The following NRXN1 variants were observed in gnomAD, a reference collection of about 807,000 sequenced individuals.
NRXN1 encodes the protein neurexin 1, also known as neurexin-1.
Under a neutral mutation model 150.9 loss-of-function variants are expected in NRXN1, and 39 were observed. That is an observed-to-expected ratio of 0.26 (90% CI 0.20 to 0.34). NRXN1 has a LOEUF of 0.34. Ranked by LOEUF, NRXN1 falls within the 10% of genes least tolerant of loss-of-function variation. The pLI is 1.00. For missense variants in NRXN1, 1,815 were observed against 1,949.9 expected (o/e 0.93, Z 1.30); for synonymous variants, 924 against 757.0 (o/e 1.22, Z -3.62).
In NRXN1 at chr2:50,922,608, C is replaced by T. The variant is rs199971485; in HGVS notation, c.820+50G>A. On this transcript the variant is annotated intron_variant, in intron 4 of 22. Transcript: ENST00000401669. Reference sequence around the variant, plus strand: ...TGCAGTGATGGTTTGAAAGCAGCTACAGAACAAGAAAACACTGAAAGCAGA... The same window carrying T: ...TGCAGTGATGGTTTGAAAGCAGCTATAGAACAAGAAAACACTGAAAGCAGA... The T allele has an allele frequency of 2.1e-4, 340 of 1,593,902 alleles. 1 individual carries two copies. The African/African-American group carries it at 4.0e-3, about 19-fold the overall frequency.
intron 8 of NRXN1, among the ~76,000 whole-genome samples, chr2:50,582,121 A>C (rs1672362659): frequency 6.6e-6 from 1 of 152,176 alleles, no homozygotes; most frequent in South Asian, 2.1e-4. Context: ...GATCTTCAGA[A>C]AGTTTTCTTA....
rs1559171956 is a variant in NRXN1, at chr2:50,250,948, G to GTAATAAATTTATTACATATGC, written c.3365-13979_3365-13978insGCATATGTAATAAATTTATTA. Among the ~76,000 whole-genome samples, 18 of 148,572 alleles carry GTAATAAATTTATTACATATGC rather than the reference G, an allele frequency of 1.2e-4. No individual in the cohort carries two copies. The South Asian group carries it at 1.3e-3, about 11-fold the overall frequency. ...ATATGTAATAAATTTATTACATATG[G>GTAATAAATTTATTACATATGC]CATATGTAATAAATTTATTACACAT... On this transcript the variant is annotated intron_variant, in intron 17 of 22. Coordinates refer to ENST00000401669, the MANE Select transcript of NRXN1 (RefSeq NM_001330078.2).
At chr2:50,585,979 C>T (rs1197088307) in intron 8 of NRXN1, among the ~76,000 whole-genome samples, 2 of 152,206 alleles carry the variant, frequency 1.3e-5, no homozygotes, top group Non-Finnish European at 2.9e-5. Flanking sequence ...CAGAGCCACA[C>T]AGATTTTCTT....
rs1700208869 is a variant in NRXN1, at chr2:51,002,585, T to C, written c.772+24917A>G. ...GTTATGAGTCTGAAAGTATCCTCTA[T>C]GTACCTAGGAAGGAAGTTCCCCCAT... On this transcript the variant is annotated intron_variant, in intron 2 of 22. Transcript: ENST00000401669. 2.0e-5 allele frequency among the ~76,000 whole-genome samples: 3 copies of C among 151,892 alleles called. No homozygotes were observed. In the South Asian group the frequency reaches 6.2e-4, roughly 31 times the overall value.
At chr2:50,957,187 G>T (rs1692412852) in intron 2 of NRXN1, among the ~76,000 whole-genome samples, 1 of 152,084 alleles carries the variant, frequency 6.6e-6, no homozygotes, top group Non-Finnish European at 1.5e-5. Context: ...TTCAGTAAAA[G>T]AACCTGTTGG....
rs141384370 is a variant in NRXN1 at position 50,776,645 on chromosome 2, T to C, written c.832+145224A>G. Among the ~76,000 whole-genome samples the C allele has an allele frequency of 4.4e-3, 608 of 136,782 alleles. 4 individuals carry two copies. Among genetic ancestry groups the C allele is most frequent in the African/African-American group, 0.014 (565 of 39,066 alleles). The allele number at this position is 136,782 out of a possible 152,430, so 89.7% of individuals were successfully genotyped here. The stretch of plus-strand genomic sequence containing the variant: ...ATACATATAGTGAGATATATATATA[T>C]ATATACACATACACACACACACACA... On this transcript the variant is annotated intron_variant, in intron 5 of 22. Transcript: ENST00000401669.
At chr2:50,192,694 C>T (rs1389470025) in intron 18 of NRXN1, among the ~76,000 whole-genome samples, 1 of 152,134 alleles carries the variant, frequency 6.6e-6, no homozygotes, top group African/African-American at 2.4e-5. Context: ...GCAACCTCCT[C>T]CTCCCAGGTT....
At chr2:50,023,355 A>G (rs1687843417) in intron 21 of NRXN1, 1 of 152,172 alleles carries the variant, frequency 6.6e-6, no homozygotes, top group African/African-American at 2.4e-5. Context: ...ATATAAAGAA[A>G]CACTGATAAG....
intron 18 of NRXN1, among the ~76,000 whole-genome samples, chr2:50,108,443 CA>C (rs990323529): frequency 6.6e-6 from 1 of 152,010 alleles, no homozygotes; most frequent in Non-Finnish European, 1.5e-5. Context: ...CAAATTTGCA[CA>C]GTCACTGTGT....
chr2:50,509,101 T>C (rs1419134951), intron 12 of NRXN1, among the ~76,000 whole-genome samples: 1 of 152,206 alleles, frequency 6.6e-6, no homozygotes, highest in Non-Finnish European at 1.5e-5. Flanking sequence ...TGAAGGCCTA[T>C]AAAGCTACAA....
chr2:50,384,793 G>T (rs2081214729), intron 17 of NRXN1, among the ~76,000 whole-genome samples: 1 of 152,012 alleles, frequency 6.6e-6, no homozygotes, highest in Admixed American at 6.6e-5. Flanking sequence ...ACCCTGTCTT[G>T]CATCTCTTGT....
At chr2:50,115,217 G>GTATATATATATATATATA (rs35673922) in intron 18 of NRXN1, among the ~76,000 whole-genome samples, 9 of 134,924 alleles carry the variant, frequency 6.7e-5, no homozygotes, top group South Asian at 2.4e-4. Flanking sequence ...TATGTTATGT[G>GTATATATATATATATATA]TATATATATA....
At chr2:50,786,237 C>G (rs1705094192) in intron 5 of NRXN1, among the ~76,000 whole-genome samples, 1 of 152,114 alleles carries the variant, frequency 6.6e-6, no homozygotes, top group African/African-American at 2.4e-5. Flanking sequence ...TGAGGGCCAT[C>G]TATGTACGAC....
At chr2:50,251,533 T>C (rs2067081317) in intron 17 of NRXN1, among the ~76,000 whole-genome samples, 2 of 152,184 alleles carry the variant, frequency 1.3e-5, no homozygotes, top group South Asian at 2.1e-4. Context: ...TTATTGTTCT[T>C]TGGGTATATA....
At chr2:50,998,973 A>G (rs1186030983) in intron 2 of NRXN1, among the ~76,000 whole-genome samples, 1 of 152,082 alleles carries the variant, frequency 6.6e-6, no homozygotes, top group African/African-American at 2.4e-5. Flanking sequence ...TGAACTGCCA[A>G]TTATAGCAAG....
intron 5 of NRXN1, among the ~76,000 whole-genome samples, chr2:50,750,666 A>T (rs1046071867): frequency 9.9e-5 from 15 of 152,012 alleles, no homozygotes; most frequent in Admixed American, 6.6e-4. Context: ...ACTCCACTTT[A>T]ATGTTTCCTT....
At chr2:50,772,393 T>C (rs1263334136) in intron 5 of NRXN1, among the ~76,000 whole-genome samples, 1 of 151,420 alleles carries the variant, frequency 6.6e-6, no homozygotes, top group Admixed American at 6.6e-5. Context: ...AAGATTAAAA[T>C]AATAAAAGAT....
At chr2:50,200,575 G>C (rs2062089276) in intron 18 of NRXN1, among the ~76,000 whole-genome samples, 1 of 152,074 alleles carries the variant, frequency 6.6e-6, no homozygotes, top group African/African-American at 2.4e-5. Flanking sequence ...GAACTAAACA[G>C]GCTCTCATTG....
At chr2:50,550,737 C>G (rs1349335612) in intron 9 of NRXN1, among the ~76,000 whole-genome samples, 1 of 148,660 alleles carries the variant, frequency 6.7e-6, no homozygotes, top group South Asian at 2.1e-4. Flanking sequence ...GCTGGAGTGC[C>G]GCGGCCCGAT....
Sources: allele counts gnomAD v4.1 joint callset (sites outside exome capture counted in the v4.1 genomes callset), GRCh38; gene constraint gnomAD v4.1.1; transcripts MANE v1.5; gene names NCBI Gene and HGNC (gene_info 2026-07-23, HGNC 2026-07-21).